The following KCNAB1 variants were observed in gnomAD, a reference collection of about 807,000 sequenced individuals.
The protein encoded by KCNAB1 is potassium voltage-gated channel subfamily A regulatory beta subunit 1.
In KCNAB1, 35 loss-of-function variants were observed where a neutral mutation model predicts 64.6. That is an observed-to-expected ratio of 0.54 (90% CI 0.41 to 0.72). KCNAB1 has a LOEUF of 0.72. KCNAB1 is among the 30% of genes least tolerant of loss of function. KCNAB1 has a pLI of 0.00. For missense variants in KCNAB1, 401 were observed against 512.9 expected, an observed-to-expected ratio of 0.78 and a Z score of 2.11; for synonymous variants, 177 against 183.8, an observed-to-expected ratio of 0.96 and a Z score of 0.30.
chr3:156,530,338 C>T (rs875581), intron 12 of KCNAB1, among the ~76,000 whole-genome samples: 109,380 of 152,050 alleles, frequency 0.72, 39,337 homozygotes, highest in East Asian at 0.78. Context: ...GCTTATGCAG[C>T]AGGAGAGTGG....
intron 1 of KCNAB1, among the ~76,000 whole-genome samples, chr3:156,277,686 A>T (rs1719425150): frequency 1.3e-5 from 2 of 152,196 alleles, no homozygotes; most frequent in African/African-American, 4.8e-5. Flanking sequence ...GGCTATTGTG[A>T]ATAGTGCTGC....
rs1719187641 is a variant in KCNAB1 at position 156,273,962 on chromosome 3, G to C, written c.276-147654G>C. 2.0e-5 allele frequency among the ~76,000 whole-genome samples: 3 copies of C among 152,080 alleles called. No individual in the cohort carries two copies. The South Asian group carries it at 6.2e-4, about 32-fold the overall frequency. The stretch of plus-strand genomic sequence containing the variant: ...CCATGAATATCTGTGTACTCCCCAG[G>C]TAAGAAGTGAGTCCCATGAAAAGGG... On this transcript the variant is annotated intron_variant, in intron 1 of 13. Coordinates refer to ENST00000490337, the MANE Select transcript of KCNAB1 (RefSeq NM_172160.3).
At chr3:156,186,323 T>A (rs937069333) in intron 1 of KCNAB1, among the ~76,000 whole-genome samples, 4 of 152,200 alleles carry the variant, frequency 2.6e-5, no homozygotes, top group African/African-American at 4.8e-5. Flanking sequence ...TTTAGCTTTT[T>A]AATCCACAAA....
intron 1 of KCNAB1, among the ~76,000 whole-genome samples, chr3:156,317,500 G>A (rs1479539056): frequency 1.3e-5 from 2 of 151,846 alleles, no homozygotes; most frequent in Non-Finnish European, 2.9e-5. Flanking sequence ...AGATGTGTGT[G>A]TATATCCATC....
chr3:156,374,805 T>A (rs1209972974), intron 1 of KCNAB1, among the ~76,000 whole-genome samples: 1 of 135,650 alleles, frequency 7.4e-6, no homozygotes, highest in Non-Finnish European at 1.5e-5. Context: ...AAAGTAGGTA[T>A]TAACAATACC....
chr3:156,223,468 C>T (rs1275567566), intron 1 of KCNAB1, among the ~76,000 whole-genome samples: 1 of 152,148 alleles, frequency 6.6e-6, no homozygotes, highest in African/African-American at 2.4e-5. Flanking sequence ...ATTTACAATC[C>T]CTGAGCTAGA....
At chr3:156,487,347 G>C (rs1209093345) in intron 8 of KCNAB1, among the ~76,000 whole-genome samples, 23 of 151,984 alleles carry the variant, frequency 1.5e-4, no homozygotes, top group Admixed American at 1.4e-3. Context: ...CTTCAACTTT[G>C]GGAAGTAATT....
chr3:156,506,549 G>T (rs905114642), intron 8 of KCNAB1, among the ~76,000 whole-genome samples: 1 of 152,200 alleles, frequency 6.6e-6, no homozygotes, highest in Non-Finnish European at 1.5e-5. Flanking sequence ...TTTAGGGAGG[G>T]TTCTCTCAGG....
chr3:156,394,102 G>T (rs886562863), intron 1 of KCNAB1, among the ~76,000 whole-genome samples: 9 of 152,154 alleles, frequency 5.9e-5, no homozygotes, highest in African/African-American at 1.9e-4. Context: ...TATGTACCCT[G>T]CCCACTTTAA....
chr3:156,497,498 A>C (rs1340977393), intron 8 of KCNAB1, among the ~76,000 whole-genome samples: 4 of 152,246 alleles, frequency 2.6e-5, no homozygotes, highest in African/African-American at 9.6e-5. Context: ...TGTCCCAAGA[A>C]GCTGATACAC....
chr3:156,415,059 A>G (rs1459956106), intron 1 of KCNAB1, among the ~76,000 whole-genome samples: 3 of 152,194 alleles, frequency 2.0e-5, no homozygotes, highest in Non-Finnish European at 2.9e-5. Context: ...TACAATTCAC[A>G]TATAATAGAT....
At chr3:156,337,471 T>C (rs2108057818) in intron 1 of KCNAB1, among the ~76,000 whole-genome samples, 1 of 152,302 alleles carries the variant, frequency 6.6e-6, no homozygotes, top group South Asian at 2.1e-4. Flanking sequence ...CTTCTTCTTC[T>C]TCCTCCTCCT....
chr3:156,276,637 A>C (rs569397969), intron 1 of KCNAB1, among the ~76,000 whole-genome samples: 1 of 152,270 alleles, frequency 6.6e-6, no homozygotes, highest in Admixed American at 6.5e-5. Flanking sequence ...TTCACCTTGC[A>C]CTTTTATGTT....
chr3:156,448,766 A>G (rs1711777125), intron 2 of KCNAB1, among the ~76,000 whole-genome samples: 1 of 132,856 alleles, frequency 7.5e-6, no homozygotes, highest in African/African-American at 3.9e-5. Flanking sequence ...GGAAATATTC[A>G]TTTTTCTATA....
At chr3:156,334,295 C>A (rs959989767) in intron 1 of KCNAB1, among the ~76,000 whole-genome samples, 3 of 152,110 alleles carry the variant, frequency 2.0e-5, no homozygotes, top group Non-Finnish European at 4.4e-5. Flanking sequence ...AGTAGGTAAC[C>A]TTCCCTGACC....
At chr3:156,173,102 A>G (rs1712116732) in intron 1 of KCNAB1, among the ~76,000 whole-genome samples, 1 of 152,226 alleles carries the variant, frequency 6.6e-6, no homozygotes, top group Non-Finnish European at 1.5e-5. Flanking sequence ...AGCCTGGAAG[A>G]AGATCTGAAT....
chr3:156,516,636 C>G (rs1559926012), intron 11 of KCNAB1, among the ~76,000 whole-genome samples: 1 of 152,194 alleles, frequency 6.6e-6, no homozygotes, highest in Admixed American at 6.5e-5. Context: ...TTGCAGGGCT[C>G]AAATTCCTAC....
intron 1 of KCNAB1, chr3:156,291,194 C>A (rs1720386055): frequency 1.0e-6 from 1 of 985,754 alleles, no homozygotes; most frequent in African/African-American, 1.7e-5. Context: ...AGGGACCTGC[C>A]TGCTCCTCCG....
chr3:156,259,855 TG>T (rs1246962556), intron 1 of KCNAB1, among the ~76,000 whole-genome samples: 1 of 152,206 alleles, frequency 6.6e-6, no homozygotes, highest in Non-Finnish European at 1.5e-5. Context: ...TCCCACAATG[TG>T]GGCAACTCGG....
Sources: allele counts gnomAD v4.1 joint callset (sites outside exome capture counted in the v4.1 genomes callset), GRCh38; gene constraint gnomAD v4.1.1; transcripts MANE v1.5; gene names NCBI Gene and HGNC (gene_info 2026-07-23, HGNC 2026-07-21).